MAP3K20: variants seen among roughly 807,000 people sequenced by gnomAD.
MAP3K20 encodes HCCS-4.
MAP3K20 carries 40 observed loss-of-function variants against 85.7 expected under a neutral mutation model. That is an observed-to-expected ratio of 0.47 (90% CI 0.36 to 0.61). The LOEUF (loss-of-function observed/expected upper bound fraction) is 0.61. Among genes scored for constraint, MAP3K20 ranks in the 20% least tolerant of loss-of-function variants. The pLI, the probability that MAP3K20 is intolerant of heterozygous loss-of-function variation, is 0.00. For missense variants in MAP3K20, 817 were observed against 961.7 expected (o/e 0.85, Z 1.99); for synonymous variants, 325 against 327.7 (o/e 0.99, Z 0.09).
chr2:173,109,260 C>T (rs1299155790), intron 2 of MAP3K20, among the ~76,000 whole-genome samples: 1 of 152,160 alleles, frequency 6.6e-6, no homozygotes, highest in African/African-American at 2.4e-5. Context: ...CACTAGGCAC[C>T]TTCCTTTAGT....
At chr2:173,179,163 G>T (rs6757561) in intron 3 of MAP3K20, among the ~76,000 whole-genome samples, 1 of 152,108 alleles carries the variant, frequency 6.6e-6, no homozygotes, top group African/African-American at 2.4e-5. Flanking sequence ...GGAGGCCGAG[G>T]TGGGCGGATC....
chr2:173,196,590 C>T (rs1170307751), intron 7 of MAP3K20, among the ~76,000 whole-genome samples: 1 of 152,086 alleles, frequency 6.6e-6, no homozygotes, highest in Non-Finnish European at 1.5e-5. Flanking sequence ...TAATTATCTT[C>T]GTATTAGCCA....
chr2:173,258,197 T>C (rs1247437594), intron 16 of MAP3K20, among the ~76,000 whole-genome samples: 2 of 152,206 alleles, frequency 1.3e-5, no homozygotes, highest in African/African-American at 4.8e-5. Context: ...TGTTGTTTTC[T>C]TTCGTATTAA....
intron 2 of MAP3K20, among the ~76,000 whole-genome samples, chr2:173,128,316 T>C (rs370019385): frequency 0.27 from 36,601 of 135,944 alleles, 5,615 homozygotes; most frequent in Non-Finnish European, 0.36. Flanking sequence ...AGTTGACTTA[T>C]TTATTTATTT....
At chr2:173,248,539 T>C (rs1684973052) in intron 16 of MAP3K20, among the ~76,000 whole-genome samples, 1 of 152,212 alleles carries the variant, frequency 6.6e-6, no homozygotes, top group Admixed American at 6.5e-5. Context: ...CTTTGTCAAA[T>C]GGGTTGGACA....
At chr2:173,246,058 C>T (rs1351741591) in intron 16 of MAP3K20, among the ~76,000 whole-genome samples, 5 of 152,134 alleles carry the variant, frequency 3.3e-5, no homozygotes, top group African/African-American at 9.7e-5. Flanking sequence ...ATTATTCCTT[C>T]GTACTTCTGG....
intron 2 of MAP3K20, among the ~76,000 whole-genome samples, chr2:173,147,905 T>C (rs1689183294): frequency 6.6e-6 from 1 of 152,136 alleles, no homozygotes; most frequent in Admixed American, 6.5e-5. Context: ...TTTTAAAATA[T>C]GAATTTGGCC....
chr2:173,205,664 C>T (rs1683661108), intron 9 of MAP3K20, among the ~76,000 whole-genome samples: 1 of 152,144 alleles, frequency 6.6e-6, no homozygotes, highest in South Asian at 2.1e-4. Flanking sequence ...GTTGCAAAAT[C>T]TTTGCTTTCA....
intron 10 of MAP3K20, chr2:173,210,116 C>T (rs946830105): frequency 3.2e-5 from 11 of 341,886 alleles, no homozygotes; most frequent in Non-Finnish European, 5.5e-5. Flanking sequence ...CTTTGGGAGG[C>T]CAAGGCAGGC....
chr2:173,240,335 G>A (rs1684752664), intron 16 of MAP3K20, among the ~76,000 whole-genome samples: 1 of 152,178 alleles, frequency 6.6e-6, no homozygotes, highest in Admixed American at 6.5e-5. Context: ...TACAAGCTGT[G>A]TAAGCCTACC....
At chr2:173,171,618 G>T (rs2106252270) in intron 3 of MAP3K20, among the ~76,000 whole-genome samples, 1 of 152,300 alleles carries the variant, frequency 6.6e-6, no homozygotes, top group South Asian at 2.1e-4. Flanking sequence ...GAGGGAGAAA[G>T]AATCCAGGAA....
In MAP3K20 at chr2:173,136,561, G is replaced by GC. The variant is rs1283838424; in HGVS notation, c.160-33243dup. Reference sequence around the variant, plus strand: ...TCTAAATGACAATCTTTTGAATAGTGCAAGTTCAATCCCTAAAACAAAAAG... The same window carrying GC: ...TCTAAATGACAATCTTTTGAATAGTGCCAAGTTCAATCCCTAAAACAAAAAG... On this transcript the variant is annotated intron_variant, in intron 2 of 19. Transcript: ENST00000375213. 2.0e-5 allele frequency among the ~76,000 whole-genome samples: 3 copies of GC among 152,132 alleles called. No individual in the cohort carries two copies. The East Asian group carries it at 5.8e-4, about 29-fold the overall frequency.
chr2:173,128,609 G>A (rs1688516467), intron 2 of MAP3K20, among the ~76,000 whole-genome samples: 1 of 152,072 alleles, frequency 6.6e-6, no homozygotes, highest in Admixed American at 6.6e-5. Flanking sequence ...TGGGATTACA[G>A]GTTTGAGCCA....
Position 173,137,306 on chromosome 2 carries a change from T to G in MAP3K20, c.160-32499T>G, listed in dbSNP as rs866666632. Among the ~76,000 whole-genome samples the G allele has an allele frequency of 7.2e-5, 11 of 152,328 alleles. No individual in the cohort carries two copies. In the South Asian group the frequency reaches 8.3e-4, roughly 11 times the overall value. On this transcript the variant is annotated intron_variant, in intron 2 of 19. Coordinates refer to ENST00000375213, the MANE Select transcript of MAP3K20 (RefSeq NM_016653.3). Reference sequence around the variant, plus strand: ...AAACACCTGGACTAAAGAATAATAGTGATTATGGCTTATTAGATCTTTTGT... The same window carrying G: ...AAACACCTGGACTAAAGAATAATAGGGATTATGGCTTATTAGATCTTTTGT...
chr2:173,137,732 C>T (rs533326853), intron 2 of MAP3K20, among the ~76,000 whole-genome samples: 1 of 152,198 alleles, frequency 6.6e-6, no homozygotes, highest in South Asian at 2.1e-4. Flanking sequence ...TTTATTTTTA[C>T]AGTTTTTAAA....
intron 2 of MAP3K20, among the ~76,000 whole-genome samples, chr2:173,148,434 G>A (rs994727851): frequency 6.6e-6 from 1 of 152,124 alleles, no homozygotes; most frequent in Non-Finnish European, 1.5e-5. Context: ...TTTACTATTC[G>A]AAAGGGACTT....
intron 2 of MAP3K20, among the ~76,000 whole-genome samples, chr2:173,115,526 T>A (rs535456368): frequency 6.6e-6 from 1 of 152,314 alleles, no homozygotes; most frequent in South Asian, 2.1e-4. Context: ...TTCTGGTTCC[T>A]TCTCATTTGG....
At chr2:173,209,321 T>G (rs1004941665) in intron 9 of MAP3K20, among the ~76,000 whole-genome samples, 1 of 152,230 alleles carries the variant, frequency 6.6e-6, no homozygotes, top group African/African-American at 2.4e-5. Context: ...GAAAGAATTT[T>G]ACAGTGAACA....
intron 2 of MAP3K20, among the ~76,000 whole-genome samples, chr2:173,162,667 C>G (rs1366369079): frequency 1.6e-5 from 2 of 122,204 alleles, no homozygotes; most frequent in Non-Finnish European, 3.3e-5. Context: ...GCCTGGGCGA[C>G]AAGAATGAAA....
Sources: gnomAD v4.1 joint callset for allele counts (sites outside exome capture counted in the v4.1 genomes callset) on GRCh38, gnomAD v4.1.1 for gene constraint, MANE v1.5 for transcripts, NCBI Gene and HGNC (gene_info 2026-07-23, HGNC 2026-07-21) for gene names.